Variants in ABCD4 observed in about 807,000 individuals in gnomAD.
ABCD4 encodes the protein lysosomal cobalamin transporter ABCD4.
ABCD4 carries 53 observed loss-of-function variants against 86.3 expected under a neutral mutation model. The ratio of observed to expected loss-of-function variants is 0.61; its 90% CI spans 0.49 to 0.77. The LOEUF (loss-of-function observed/expected upper bound fraction) is 0.77, where lower values mean the gene tolerates loss of function less well. Among genes scored for constraint, ABCD4 ranks in the 30% least tolerant of loss-of-function variants. ABCD4 has a pLI of 0.00. For synonymous variants in ABCD4, 328 were observed against 313.6 expected (o/e 1.05, Z -0.49); for missense variants, 757 against 764.5 (o/e 0.99, Z 0.12).
intron 11 of ABCD4, 98 bp from the exon 12 acceptor site, chr14:74,290,597 A>G (rs569536711): frequency 2.3e-6 from 2 of 870,074 alleles, no homozygotes; most frequent in East Asian, 5.2e-5. Flanking sequence ...GTGGATTATT[A>G]TGGGCTGACT....
chr14:74,297,131 G>T (rs2083069073), intron 4 of ABCD4: 1 of 152,240 alleles, frequency 6.6e-6, no homozygotes, highest in Admixed American at 6.5e-5. Context: ...TATTCCCAAT[G>T]AGTGACGTGA....
chr14:74,297,838 T>A (rs2083265239), intron 4 of ABCD4, 92 bp downstream of exon 4: 1 of 1,493,796 alleles, frequency 6.7e-7, no homozygotes, highest in Non-Finnish European at 8.9e-7. Context: ...CTGCAGATGA[T>A]CTCCTTGGTG....
chr14:74,291,426 C>A (rs936977085), intron 11 of ABCD4, among the ~76,000 whole-genome samples: 8 of 152,134 alleles, frequency 5.3e-5, no homozygotes, highest in Non-Finnish European at 1.0e-4. Flanking sequence ...GGTTGCAGAG[C>A]GGTATTCAAC....
chr14:74,290,379 C>G lies in ABCD4; in HGVS notation c.1239G>C (p.Glu413Asp). 6.2e-7 allele frequency: 1 copy of G among 1,614,126 alleles called. No homozygotes were observed. Among genetic ancestry groups the G allele is most frequent in the Non-Finnish European group, 8.5e-7 (1 of 1,180,030 alleles). The change falls in exon 12 of 19, where the codon GAG becomes GAC. Residue 413 changes from glutamate to aspartate, a missense_variant. By Grantham distance (45) the Glu-to-Asp change is conservative (BLOSUM62 2). Transcript: ENST00000356924. ...TGCCTGTGATGAGCAGGCTCTGTCCCTCGGAGATCTTTAGGCTCAGATCCT... is the reference window on the plus strand; with the variant it reads ...TGCCTGTGATGAGCAGGCTCTGTCCGTCGGAGATCTTTAGGCTCAGATCCT... ...LIKDLSLKIS[E>D]GQSLLITGNT...
intron 4 of ABCD4, chr14:74,297,094 T>C (rs1357353944): frequency 6.6e-6 from 1 of 152,334 alleles, no homozygotes; most frequent in Admixed American, 6.5e-5. Context: ...CTATGTCTCA[T>C]CTCACCACTA....
At position 74,288,262 on chromosome 14, in the gene ABCD4, G is replaced by A. The variant is rs755595730; in HGVS notation, c.1507-3C>T. ...TCTGTCCTTGCCACCAAGTTGGACT[G>A]TAACAGACCCAGAGGGCAGGATGTC... On this transcript the variant is annotated splice_region_variant and splice_polypyrimidine_tract_variant and intron_variant, in intron 15 of 18. Transcript: ENST00000356924. 2.2e-5 allele frequency: 35 copies of A among 1,605,462 alleles called. No individual in the cohort carries two copies. Among genetic ancestry groups the A allele is most frequent in the Non-Finnish European group, 3.0e-5 (35 of 1,175,854 alleles).
At position 74,286,409 on chromosome 14, in the gene ABCD4, C is replaced by T. The variant is rs1052008; in HGVS notation, c.*52G>A. 17,401 of 1,602,132 alleles carry T rather than the reference C, an allele frequency of 0.011. 1,620 individuals are homozygous for T. In the African/African-American group the frequency reaches 0.2, roughly 19 times the overall value. Reference sequence around the variant, plus strand: ...TCGCTGTCAGTCCTCCTGGTCTCTCCTGAGGGCCGCCGACCCGCCACAGTG... The same window carrying T: ...TCGCTGTCAGTCCTCCTGGTCTCTCTTGAGGGCCGCCGACCCGCCACAGTG... On this transcript the variant is annotated 3_prime_UTR_variant, in exon 19 of 19. Transcript: ENST00000356924.
chr14:74,295,207 A>G lies in ABCD4; in HGVS notation c.669-9T>C. On this transcript the variant is annotated splice_polypyrimidine_tract_variant and intron_variant, in intron 6 of 18. Coordinates refer to ENST00000356924, the MANE Select transcript of ABCD4 (RefSeq NM_005050.4). ...TCTGCATGTGCTTGAACCTGGGCGGACCAAAGGGAAATGTGTGCTGACAAC... is the reference window on the plus strand; with the variant it reads ...TCTGCATGTGCTTGAACCTGGGCGGGCCAAAGGGAAATGTGTGCTGACAAC... The G allele has an allele frequency of 6.2e-7, 1 of 1,610,000 alleles. No homozygotes were observed. The highest frequency in any genetic ancestry group is 8.5e-7 in the Non-Finnish European group (1 of 1,179,252).
Position 74,288,187 on chromosome 14 carries a change from C to T in ABCD4, c.1559+20G>A, listed in dbSNP as rs572419384. 29 of 1,611,712 alleles carry T rather than the reference C, an allele frequency of 1.8e-5. No individual in the cohort carries two copies. The highest frequency in any genetic ancestry group is 1.3e-4 in the Admixed American group (8 of 59,800). On this transcript the variant is annotated intron_variant, in intron 16 of 18. Coordinates refer to ENST00000356924, the MANE Select transcript of ABCD4 (RefSeq NM_005050.4). ...CTTTATGGTGGGGCTATCTCTGGAG[C>T]ACCCAAGCTCTTTTCTTACCAGTTC...
At position 74,297,966 on chromosome 14, in the gene ABCD4, T is replaced by C. The variant is rs1174564923; in HGVS notation, c.389A>G (p.Tyr130Cys). 2.5e-6 allele frequency: 4 copies of C among 1,613,916 alleles called. No individual in the cohort carries two copies. The highest frequency in any genetic ancestry group is 3.4e-6 in the Non-Finnish European group (4 of 1,179,962). The change falls in exon 4 of 19, where the codon TAC (tyrosine) becomes TGC (cysteine). Residue 130 changes from tyrosine to cysteine, a missense_variant. Tyr to Cys is a radical substitution (Grantham distance 194, BLOSUM62 -2). Transcript: ENST00000356924. Reference sequence around the variant, plus strand: ...GTCATCCCGCAGCACGTTGAGGGTGTAGTACGCACGGCCCCGGAAGTAGAG... The same window carrying C: ...GTCATCCCGCAGCACGTTGAGGGTGCAGTACGCACGGCCCCGGAAGTAGAG... ...HRLYFRGRAY[Y>C]TLNVLRDDID...
chr14:74,295,238 G>A, intron 6 of ABCD4, 40 bp from the exon 7 acceptor site: 1 of 1,611,286 alleles, frequency 6.2e-7, no homozygotes, highest in Non-Finnish European at 8.5e-7. Flanking sequence ...ACAACAGGGA[G>A]TACTGGCCTC....
chr14:74,289,918 C>A, intron 13 of ABCD4, 109 bp downstream of exon 13: 1 of 1,564,036 alleles, frequency 6.4e-7, no homozygotes, highest in East Asian at 2.3e-5. Context: ...TTCACCACCT[C>A]ACCTTTTGCC....
At chr14:74,289,990 T>C (rs2139813912) in intron 13 of ABCD4, 37 bp downstream of exon 13, 1 of 1,613,492 alleles carries the variant, frequency 6.2e-7, no homozygotes, top group Middle Eastern at 1.7e-4. Flanking sequence ...TGGGCGGGGT[T>C]GAGGAGGGAG....
chr14:74,291,774 A>G (rs2081546502), intron 11 of ABCD4, among the ~76,000 whole-genome samples: 1 of 152,204 alleles, frequency 6.6e-6, no homozygotes, highest in African/African-American at 2.4e-5. Context: ...ATGATATCTA[A>G]TCCCTACAAC....
At chr14:74,292,463 G>A (rs1566952693) in intron 10 of ABCD4, 87 bp from the exon 11 acceptor site, 1 of 1,584,446 alleles carries the variant, frequency 6.3e-7, no homozygotes. Flanking sequence ...CGAGTACATG[G>A]TATGTCTCTG....
rs755730309 is a variant in ABCD4 at position 74,288,220 on chromosome 14, C to T, written c.1546G>A (p.Val516Met). The change falls in exon 16 of 19, where the codon GTG becomes ATG. Residue 516 changes from valine (V) to methionine (M), a missense_variant. Physicochemically the swap from Val to Met is conservative, Grantham distance 21. Coordinates refer to ENST00000356924, the MANE Select transcript of ABCD4 (RefSeq NM_005050.4). Reference protein sequence around the residue: ...VARTEGLDQQVDWNWYDVLSP... With the variant: ...VARTEGLDQQMDWNWYDVLSP... ...CTCTTTTCTTACCAGTTCCAGTCCA[C>T]CTGCTGGTCCAGGCCCTCTGTCCTT... The T allele has an allele frequency of 3.1e-6, 5 of 1,612,292 alleles. No homozygotes were observed. Among genetic ancestry groups the T allele is most frequent in the South Asian group, 1.1e-5 (1 of 90,592 alleles).
intron 11 of ABCD4, among the ~76,000 whole-genome samples, chr14:74,291,103 G>A (rs1033203319): frequency 1.3e-5 from 2 of 152,186 alleles, no homozygotes; most frequent in Non-Finnish European, 2.9e-5. Flanking sequence ...GCCACGTGAG[G>A]ACACAGCAAC....
chr14:74,289,784 G>A (rs745519336), intron 13 of ABCD4: 20 of 1,436,666 alleles, frequency 1.4e-5, no homozygotes, highest in African/African-American at 2.9e-5. Flanking sequence ...TGACATACGC[G>A]TGTGGTATTT....
chr14:74,291,867 G>A (rs751829441), intron 11 of ABCD4, among the ~76,000 whole-genome samples: 3 of 152,190 alleles, frequency 2.0e-5, no homozygotes, highest in Non-Finnish European at 4.4e-5. Context: ...AAAGTGTGGA[G>A]ATCAAGCAAA....
Sources: allele counts gnomAD v4.1 joint callset (sites outside exome capture counted in the v4.1 genomes callset), GRCh38; gene constraint gnomAD v4.1.1; transcripts MANE v1.5; gene names NCBI Gene and HGNC (gene_info 2026-07-23, HGNC 2026-07-21).